Variants in RALYL observed in about 807,000 individuals in gnomAD.
RALYL encodes RALY RNA binding protein like.
Under a neutral mutation model 35.1 loss-of-function variants are expected in RALYL, and 29 were observed. The observed-to-expected ratio is 0.83, with a 90% CI of 0.61 to 1.13. The LOEUF (loss-of-function observed/expected upper bound fraction) is 1.13. Among genes scored for constraint, RALYL ranks in the 50% most tolerant of loss-of-function variants. The pLI is 0.00. For synonymous variants in RALYL, 120 were observed against 127.6 expected (o/e 0.94, Z 0.40); for missense variants, 359 against 360.4 (o/e 1.00, Z 0.03).
At chr8:84,629,118 G>T (rs185664249) in intron 2 of RALYL, among the ~76,000 whole-genome samples, 51 of 152,092 alleles carry the variant, frequency 3.4e-4, no homozygotes, top group Non-Finnish European at 7.4e-5. Flanking sequence ...AATCCTCTAG[G>T]TGACTTCCCT....
chr8:84,423,224 T>G (rs2045892945), intron 1 of RALYL, among the ~76,000 whole-genome samples: 1 of 151,712 alleles, frequency 6.6e-6, no homozygotes, highest in African/African-American at 2.4e-5. Context: ...TTTATGAATC[T>G]GGGTGCTCCT....
chr8:84,717,079 C>T (rs940849623), intron 2 of RALYL, among the ~76,000 whole-genome samples: 6 of 152,102 alleles, frequency 3.9e-5, no homozygotes, highest in African/African-American at 1.2e-4. Context: ...CTCAGCTACT[C>T]AGGAGGCTGA....
At chr8:84,682,844 A>C (rs1178520453) in intron 2 of RALYL, among the ~76,000 whole-genome samples, 2 of 151,380 alleles carry the variant, frequency 1.3e-5, no homozygotes, top group African/African-American at 4.9e-5. Flanking sequence ...TATTTCCTTC[A>C]GTTCTGCTCT....
chr8:84,801,199 G>T (rs1223002441), intron 3 of RALYL, among the ~76,000 whole-genome samples: 1 of 152,082 alleles, frequency 6.6e-6, no homozygotes, highest in Non-Finnish European at 1.5e-5. Flanking sequence ...GCCTGATGGG[G>T]GCACCCACCA....
At chr8:84,416,568 C>CT (rs202045320) in intron 1 of RALYL, among the ~76,000 whole-genome samples, 4,459 of 151,048 alleles carry the variant, frequency 0.03, 218 homozygotes, top group African/African-American at 0.1. Flanking sequence ...TATTTGAAAC[C>CT]TTTTTTTTTC....
At chr8:84,571,074 T>C (rs979785892) in intron 2 of RALYL, among the ~76,000 whole-genome samples, 4 of 151,746 alleles carry the variant, frequency 2.6e-5, no homozygotes, top group Non-Finnish European at 5.9e-5. Context: ...GTTTTGCTTC[T>C]AGGTTCATCA....
chr8:84,478,160 T>A (rs2053633170), intron 1 of RALYL, among the ~76,000 whole-genome samples: 1 of 152,036 alleles, frequency 6.6e-6, no homozygotes, highest in Non-Finnish European at 1.5e-5. Context: ...TTTAAATGAG[T>A]TAAAAACCCA....
At chr8:84,685,226 C>T (rs1836509832) in intron 2 of RALYL, among the ~76,000 whole-genome samples, 1 of 151,966 alleles carries the variant, frequency 6.6e-6, no homozygotes, top group South Asian at 2.1e-4. Context: ...GAAGAGCAGC[C>T]GTGAGGTGAA....
chr8:84,638,979 C>G (rs892467656), intron 2 of RALYL, among the ~76,000 whole-genome samples: 7 of 140,760 alleles, frequency 5.0e-5, no homozygotes, highest in Admixed American at 7.3e-5. Flanking sequence ...CACACACACA[C>G]ACACACACAC....
At chr8:84,208,226 G>A (rs1818548337) in intron 1 of RALYL, among the ~76,000 whole-genome samples, 2 of 152,256 alleles carry the variant, frequency 1.3e-5, no homozygotes, top group East Asian at 1.9e-4. Context: ...AAGTCTGTGT[G>A]TTAAAAATCG....
Position 84,446,374 on chromosome 8 carries a change from T to C in RALYL, c.-23-82925T>C, listed in dbSNP as rs553005076. Among the ~76,000 whole-genome samples the C allele has an allele frequency of 7.6e-5, 10 of 131,946 alleles. No individual in the cohort carries two copies. The South Asian group carries it at 2.8e-3, about 37-fold the overall frequency. 86.6% of individuals were successfully genotyped at this position (131,946 alleles called of 152,430 possible). On this transcript the variant is annotated intron_variant, in intron 1 of 8. Coordinates refer to ENST00000521268, the MANE Select transcript of RALYL (RefSeq NM_173848.7). ...TTGTGTTTGTGTGCTTGAAAGAGTA[T>C]AGTGGGTGCAAAAAAAAGGAAAAAT...
chr8:84,870,158 T>C (rs572664267), intron 6 of RALYL, among the ~76,000 whole-genome samples: 1 of 152,326 alleles, frequency 6.6e-6, no homozygotes, highest in African/African-American at 2.4e-5. Flanking sequence ...TTTTGTTTGG[T>C]AATTCTAAAT....
intron 1 of RALYL, among the ~76,000 whole-genome samples, chr8:84,191,182 TTGTGTGTG>T (rs36011671): frequency 1.6e-3 from 228 of 145,796 alleles, no homozygotes; most frequent in Non-Finnish European, 2.2e-3. Context: ...GTGTGTGTGA[TTGTGTGTG>T]TGTGTGTGTG....
intron 2 of RALYL, among the ~76,000 whole-genome samples, chr8:84,607,678 C>T (rs562698372): frequency 6.6e-4 from 101 of 152,180 alleles, no homozygotes; most frequent in Non-Finnish European, 1.3e-3. Flanking sequence ...CATTAGAGAG[C>T]TCTGCTCTGC....
At chr8:84,804,007 A>T (rs1239449492) in intron 3 of RALYL, among the ~76,000 whole-genome samples, 1 of 152,210 alleles carries the variant, frequency 6.6e-6, no homozygotes, top group Non-Finnish European at 1.5e-5. Context: ...TTCCTTAATT[A>T]TTATCTAGGA....
At chr8:84,879,590 C>T (rs183071655) in intron 7 of RALYL, among the ~76,000 whole-genome samples, 1 of 151,880 alleles carries the variant, frequency 6.6e-6, no homozygotes, top group Non-Finnish European at 1.5e-5. Context: ...GCAATATAAA[C>T]AATATTTAGA....
intron 1 of RALYL, among the ~76,000 whole-genome samples, chr8:84,222,983 G>C (rs1822650288): frequency 6.6e-6 from 1 of 152,140 alleles, no homozygotes; most frequent in Non-Finnish European, 1.5e-5. Flanking sequence ...TCTCCATTTA[G>C]AGAATATGGT....
intron 8 of RALYL, among the ~76,000 whole-genome samples, chr8:84,918,976 T>A (rs1490294939): frequency 6.6e-6 from 1 of 152,062 alleles, no homozygotes; most frequent in African/African-American, 2.4e-5. Flanking sequence ...CTGGGGGTAA[T>A]GAATTATGCA....
chr8:84,763,787 ATTAAG>A (rs1443283220), intron 2 of RALYL, among the ~76,000 whole-genome samples: 1 of 152,234 alleles, frequency 6.6e-6, no homozygotes, highest in Non-Finnish European at 1.5e-5. Flanking sequence ...AGCTTTAGGA[ATTAAG>A]TAAATACAAA....
Sources: gnomAD v4.1 joint callset for allele counts (sites outside exome capture counted in the v4.1 genomes callset) on GRCh38, gnomAD v4.1.1 for gene constraint, MANE v1.5 for transcripts, NCBI Gene and HGNC (gene_info 2026-07-23, HGNC 2026-07-21) for gene names.